Variants in ADGRF5 observed in about 807,000 individuals in gnomAD.
ADGRF5 encodes the protein G-protein coupled receptor 116.
A neutral mutation model predicts 132.3 loss-of-function variants in ADGRF5; 75 were observed. That is an observed-to-expected ratio of 0.57 (90% CI 0.47 to 0.69). The LOEUF is 0.69. Ranked by LOEUF, ADGRF5 falls within the 30% of genes least tolerant of loss-of-function variation. ADGRF5 has a pLI of 0.00. For missense variants in ADGRF5, 1,516 were observed against 1,630.6 expected, an observed-to-expected ratio of 0.93 and a Z score of 1.21; for synonymous variants, 629 against 597.6, an observed-to-expected ratio of 1.05 and a Z score of -0.77.
intron 3 of ADGRF5, among the ~76,000 whole-genome samples, chr6:46,898,812 T>C (rs1422301034): frequency 2.0e-5 from 3 of 152,194 alleles, no homozygotes; most frequent in African/African-American, 7.2e-5. Flanking sequence ...GATTCCATCC[T>C]AATGTGATAG....
chr6:46,861,977 T>C (rs570988036), intron 15 of ADGRF5, among the ~76,000 whole-genome samples: 9 of 151,886 alleles, frequency 5.9e-5, no homozygotes, highest in Non-Finnish European at 1.2e-4. Context: ...GCCAAATTAA[T>C]GTGTATGTAA....
intron 1 of ADGRF5, among the ~76,000 whole-genome samples, chr6:46,945,895 A>G (rs2113839745): frequency 6.6e-6 from 1 of 152,270 alleles, no homozygotes; most frequent in Admixed American, 6.5e-5. Flanking sequence ...TGTTCAGGGG[A>G]ACTCCCATTT....
intron 20 of ADGRF5, among the ~76,000 whole-genome samples, chr6:46,854,330 G>A (rs1364022361): frequency 6.6e-6 from 1 of 152,154 alleles, no homozygotes; most frequent in Non-Finnish European, 1.5e-5. Flanking sequence ...TTTCTACAGA[G>A]GACAGGAAGA....
chr6:46,854,137 T>C, intron 20 of ADGRF5, 66 bp from the exon 21 acceptor site: 1 of 1,172,650 alleles, frequency 8.5e-7, no homozygotes, highest in Non-Finnish European at 1.2e-6. Flanking sequence ...TGTGAACATC[T>C]CCTAAGGGAC....
Position 46,867,111 on chromosome 6 carries a change from T to C in ADGRF5, c.1648A>G (p.Lys550Glu). 6.2e-7 allele frequency: 1 copy of C among 1,609,528 alleles called. No individual in the cohort carries two copies. The highest frequency in any genetic ancestry group is 1.1e-5 in the South Asian group (1 of 90,948). The stretch of plus-strand genomic sequence containing the variant: ...TTGGTTGCAATACTGTATGAATTCT[T>C]ATATCTAAATATGCAGTGATAGGTT... ...NGTYHCIFRY[K>E]NSYSIATKDV... The change falls in exon 13 of 21, where the codon AAG becomes GAG. Residue 550 changes from lysine to glutamate, a missense_variant. Around this residue, in one of 2 missense-constraint regions of ADGRF5, gnomAD observed 945 missense variants for 929.4 expected, o/e 1.02. Transcript: ENST00000283296.
intron 3 of ADGRF5, among the ~76,000 whole-genome samples, chr6:46,897,482 A>AC (rs1774304825): frequency 6.6e-6 from 1 of 152,136 alleles, no homozygotes; most frequent in Admixed American, 6.5e-5. Context: ...TAACTAACAC[A>AC]CCCACCAAGC....
Position 46,888,144 on chromosome 6 carries a change from A to G in ADGRF5, c.328+191T>C, listed in dbSNP as rs1417190629. On this transcript the variant is annotated intron_variant, in intron 4 of 20. Transcript: ENST00000283296. ...CTTTGGTCACCATTTAAAATAAGAA[A>G]CCTCTGGCTGCAGAGTTTACTGATA... The G allele has an allele frequency of 5.7e-6, 3 of 524,706 alleles. No homozygotes were observed. In the African/African-American group the frequency reaches 5.7e-5, roughly 10 times the overall value. The allele number at this position is 524,706 out of a possible 1,614,324, so 32.5% of individuals were successfully genotyped here.
At chr6:46,863,351 C>G in intron 14 of ADGRF5, 1 of 558,194 alleles carries the variant, frequency 1.8e-6, no homozygotes. Flanking sequence ...TCTGGAGATT[C>G]TCAACTGTGA....
intron 1 of ADGRF5, among the ~76,000 whole-genome samples, chr6:46,935,279 A>G (rs1777764279): frequency 6.6e-6 from 1 of 152,154 alleles, no homozygotes; most frequent in Non-Finnish European, 1.5e-5. Flanking sequence ...CTGAGATTAC[A>G]GACGTGAGCC....
chr6:46,916,324 G>T (rs1483322351), intron 1 of ADGRF5, among the ~76,000 whole-genome samples: 1 of 152,102 alleles, frequency 6.6e-6, no homozygotes, highest in Non-Finnish European at 1.5e-5. Context: ...AACTGAACTT[G>T]TCTCCTGTCC....
At chr6:46,854,496 A>C (rs1768810878) in intron 20 of ADGRF5, among the ~76,000 whole-genome samples, 1 of 152,136 alleles carries the variant, frequency 6.6e-6, no homozygotes, top group African/African-American at 2.4e-5. Context: ...GTAAAGAGAG[A>C]AAAGGGAAAG....
chr6:46,891,510 T>C (rs1773633859), intron 3 of ADGRF5, among the ~76,000 whole-genome samples: 1 of 152,216 alleles, frequency 6.6e-6, no homozygotes, highest in African/African-American at 2.4e-5. Context: ...CCCATAAATA[T>C]AAACAGGATT....
chr6:46,913,719 C>T (rs893512394), intron 1 of ADGRF5, among the ~76,000 whole-genome samples: 9 of 152,092 alleles, frequency 5.9e-5, no homozygotes, highest in Non-Finnish European at 1.0e-4. Flanking sequence ...ATGAAACTCA[C>T]GAAATTTGTT....
chr6:46,870,730 A>G (rs1286639740), intron 11 of ADGRF5: 2 of 277,832 alleles, frequency 7.2e-6, no homozygotes, highest in Admixed American at 8.8e-5. Flanking sequence ...AGTGATTTTC[A>G]GCAAAGGCTT....
chr6:46,927,654 C>T (rs561682785), intron 1 of ADGRF5, among the ~76,000 whole-genome samples: 11 of 152,308 alleles, frequency 7.2e-5, no homozygotes, highest in South Asian at 2.1e-4. Context: ...ACACATCTGA[C>T]GCAAGCCAGC....
chr6:46,925,982 CTT>C, upstream of ADGRF5, among the ~76,000 whole-genome samples: 1 of 152,090 alleles, frequency 6.6e-6, no homozygotes, highest in East Asian at 1.9e-4. Flanking sequence ...GGTCAGCTCT[CTT>C]TTGGTATTTC....
At chr6:46,878,854 T>C (rs986276344) in intron 9 of ADGRF5, among the ~76,000 whole-genome samples, 4 of 152,180 alleles carry the variant, frequency 2.6e-5, no homozygotes, top group African/African-American at 9.7e-5. Context: ...TGAGTTACAA[T>C]GCGGCTATTA....
At chr6:46,894,846 T>A (rs1581892335) in intron 3 of ADGRF5, among the ~76,000 whole-genome samples, 1 of 152,232 alleles carries the variant, frequency 6.6e-6, no homozygotes, top group Non-Finnish European at 1.5e-5. Context: ...AATATAATGA[T>A]TATATTTTAT....
intron 14 of ADGRF5, among the ~76,000 whole-genome samples, chr6:46,863,708 C>A (rs1479574445): frequency 2.0e-5 from 3 of 152,100 alleles, no homozygotes; most frequent in African/African-American, 7.2e-5. Flanking sequence ...CTGATGAGAC[C>A]CCTCCCTCAC....
Sources: gnomAD v4.1 joint callset for allele counts (sites outside exome capture counted in the v4.1 genomes callset) on GRCh38, gnomAD v4.1.1 for gene constraint, gnomAD v4.1.1 regional missense constraint, MANE v1.5 for transcripts, NCBI Gene and HGNC (gene_info 2026-07-23, HGNC 2026-07-21) for gene names.